CCDC148: variants seen among roughly 807,000 people sequenced by gnomAD.
The protein encoded by CCDC148 is coiled-coil domain-containing protein 148.
A neutral mutation model predicts 85.7 loss-of-function variants in CCDC148; 89 were observed. That is an observed-to-expected ratio of 1.04 (90% confidence interval 0.87 to 1.24). CCDC148 has a LOEUF of 1.24. Ranked by LOEUF, CCDC148 falls within the 50% of genes most tolerant of loss-of-function variation. The probability of loss-of-function intolerance (pLI) is 0.00; values close to 1 mark genes in which losing one functional copy is unlikely to be tolerated. For missense variants in CCDC148, 692 were observed against 671.7 expected, an observed-to-expected ratio of 1.03 and a Z score of -0.33; for synonymous variants, 230 against 213.9, an observed-to-expected ratio of 1.08 and a Z score of -0.66.
chr2:158,422,230 T>C (rs1299364795), intron 1 of CCDC148, among the ~76,000 whole-genome samples: 1 of 152,120 alleles, frequency 6.6e-6, no homozygotes, highest in Admixed American at 6.5e-5. Context: ...CCTCCCTAAC[T>C]CATTTTATGA....
At chr2:158,429,035 G>A (rs944659264) in intron 1 of CCDC148, among the ~76,000 whole-genome samples, 2 of 151,470 alleles carry the variant, frequency 1.3e-5, no homozygotes, top group East Asian at 2.0e-4. Flanking sequence ...CTATCACAAG[G>A]ACGGGAAACC....
chr2:158,406,626 T>TTTTTTTTTGTTTTTTTTTTG (rs1553518881), intron 1 of CCDC148, among the ~76,000 whole-genome samples: 6 of 29,820 alleles, frequency 2.0e-4, no homozygotes, highest in Non-Finnish European at 4.1e-4. Flanking sequence ...TTTTTTTTTT[T>TTTTTTTTTGTTTTTTTTTTG]TTTTTTTTTT....
chr2:158,436,741 AAAAAG>A (rs1559144349), intron 1 of CCDC148, among the ~76,000 whole-genome samples: 1 of 152,192 alleles, frequency 6.6e-6, no homozygotes, highest in Admixed American at 6.5e-5. Flanking sequence ...CAAGACTAAT[AAAAAG>A]AAAAGAGAGA....
intron 9 of CCDC148, among the ~76,000 whole-genome samples, chr2:158,275,137 T>A (rs873121): frequency 6.6e-6 from 1 of 151,974 alleles, no homozygotes; most frequent in Non-Finnish European, 1.5e-5. Flanking sequence ...TACTTCCTCA[T>A]AAGTGATTCT....
chr2:158,238,015 C>T (rs1688185110), intron 10 of CCDC148, among the ~76,000 whole-genome samples: 1 of 151,950 alleles, frequency 6.6e-6, no homozygotes, highest in Admixed American at 6.6e-5. Flanking sequence ...CGGAGGTAAG[C>T]AATGATGTTG....
chr2:158,209,279 T>C (rs1028119066), intron 11 of CCDC148, among the ~76,000 whole-genome samples: 1 of 152,178 alleles, frequency 6.6e-6, no homozygotes, highest in African/African-American at 2.4e-5. Flanking sequence ...CCTTCCTTCA[T>C]TTAACCTATA....
chr2:158,328,211 T>C (rs1378783476), intron 7 of CCDC148, among the ~76,000 whole-genome samples: 1 of 152,164 alleles, frequency 6.6e-6, no homozygotes, highest in Non-Finnish European at 1.5e-5. Flanking sequence ...GCCCTTCCTG[T>C]GTCCATGTGT....
At chr2:158,292,778 G>A (rs1267126343) in intron 9 of CCDC148, among the ~76,000 whole-genome samples, 1 of 152,140 alleles carries the variant, frequency 6.6e-6, no homozygotes, top group Non-Finnish European at 1.5e-5. Flanking sequence ...ATGAATTAAT[G>A]GCACGGGCAG....
At chr2:158,353,368 A>G (rs1260065111) in intron 2 of CCDC148, among the ~76,000 whole-genome samples, 1 of 150,608 alleles carries the variant, frequency 6.6e-6, no homozygotes, top group African/African-American at 2.5e-5. Context: ...CTGAAAATAA[A>G]AGGATGGAGG....
intron 9 of CCDC148, among the ~76,000 whole-genome samples, chr2:158,276,756 C>T (rs765781972): frequency 6.6e-5 from 10 of 152,148 alleles, no homozygotes; most frequent in South Asian, 2.1e-4. Flanking sequence ...GCATTTGATA[C>T]GGTCCTTTAT....
intron 9 of CCDC148, chr2:158,288,882 AG>A: frequency 3.3e-6 from 1 of 300,760 alleles, no homozygotes; most frequent in Non-Finnish European, 6.5e-6. Context: ...TCCACATGGC[AG>A]GGGAGGCCTC....
At chr2:158,297,541 A>T (rs1224415608) in intron 9 of CCDC148, among the ~76,000 whole-genome samples, 1 of 152,182 alleles carries the variant, frequency 6.6e-6, no homozygotes, top group East Asian at 1.9e-4. Context: ...TTTAACCTGC[A>T]GCCAGCAAGA....
At chr2:158,281,597 T>C (rs575967913) in intron 9 of CCDC148, among the ~76,000 whole-genome samples, 1 of 152,150 alleles carries the variant, frequency 6.6e-6, no homozygotes, top group East Asian at 1.9e-4. Flanking sequence ...AATCTCTGAA[T>C]AGACCAATAA....
At chr2:158,264,398 G>A (rs538456665) in intron 9 of CCDC148, among the ~76,000 whole-genome samples, 1 of 152,044 alleles carries the variant, frequency 6.6e-6, no homozygotes, top group African/African-American at 2.4e-5. Flanking sequence ...ATTATTAACT[G>A]GGAAAAAATC....
At chr2:158,194,601 T>C (rs1685576406) in intron 11 of CCDC148, among the ~76,000 whole-genome samples, 1 of 152,156 alleles carries the variant, frequency 6.6e-6, no homozygotes, top group African/African-American at 2.4e-5. Context: ...CATTTTCATA[T>C]TACCCATCAG....
At chr2:158,184,460 C>A (rs1242026137) in intron 11 of CCDC148, among the ~76,000 whole-genome samples, 5 of 152,124 alleles carry the variant, frequency 3.3e-5, no homozygotes, top group Admixed American at 6.6e-5. Context: ...AGTCCCTACT[C>A]TGTTGAGTTT....
chr2:158,431,505 G>C (rs142556710), intron 1 of CCDC148, among the ~76,000 whole-genome samples: 28 of 150,926 alleles, frequency 1.9e-4, no homozygotes, highest in African/African-American at 6.5e-4. Flanking sequence ...AAAAAAACCT[G>C]TCAATTTATA....
intron 11 of CCDC148, among the ~76,000 whole-genome samples, chr2:158,202,816 A>T (rs1686037311): frequency 6.6e-6 from 1 of 152,228 alleles, no homozygotes; most frequent in African/African-American, 2.4e-5. Context: ...AATACAAAAA[A>T]CAGGCAGAGG....
chr2:158,272,404 T>A (rs1240442767), intron 9 of CCDC148, among the ~76,000 whole-genome samples: 1 of 152,150 alleles, frequency 6.6e-6, no homozygotes, highest in Non-Finnish European at 1.5e-5. Flanking sequence ...AGTTCTCGGA[T>A]GAATGGAATA....
Sources: allele counts gnomAD v4.1 joint callset (sites outside exome capture counted in the v4.1 genomes callset), GRCh38; gene constraint gnomAD v4.1.1; transcripts MANE v1.5; gene names NCBI Gene and HGNC (gene_info 2026-07-23, HGNC 2026-07-21).